The following SLC24A3 variants were observed in gnomAD, a reference collection of about 807,000 sequenced individuals.
SLC24A3 encodes solute carrier family 24 member 3, also known as sodium/potassium/calcium exchanger 3.
SLC24A3 carries 28 observed loss-of-function variants against 75.8 expected under a neutral mutation model. The observed-to-expected ratio is 0.37, with a 90% CI of 0.27 to 0.51. The LOEUF is 0.51. Ranked by LOEUF, SLC24A3 falls within the 20% of genes least tolerant of loss-of-function variation. SLC24A3 has a pLI of 0.94. For synonymous variants in SLC24A3, 372 were observed against 334.1 expected (o/e 1.11, Z -1.24); for missense variants, 663 against 847.8 (o/e 0.78, Z 2.71).
chr20:19,257,755 A>G (rs1982859677), intron 1 of SLC24A3: 1 of 152,138 alleles, frequency 6.6e-6, no homozygotes, highest in African/African-American at 2.4e-5. Flanking sequence ...ACACCCTCCA[A>G]ACTCCTGGAT....
At chr20:19,314,730 A>T (rs1447974456) in intron 2 of SLC24A3, among the ~76,000 whole-genome samples, 1 of 152,352 alleles carries the variant, frequency 6.6e-6, no homozygotes, top group East Asian at 1.9e-4. Flanking sequence ...AACTCCTGCC[A>T]TGCCAGCACG....
At chr20:19,643,236 G>T (rs1600317649) in intron 6 of SLC24A3, among the ~76,000 whole-genome samples, 1 of 152,198 alleles carries the variant, frequency 6.6e-6, no homozygotes, top group Non-Finnish European at 1.5e-5. Flanking sequence ...TATTTGGGGG[G>T]TTGGGAGGAG....
chr20:19,517,170 G>A (rs2030010753), intron 3 of SLC24A3, among the ~76,000 whole-genome samples: 1 of 152,154 alleles, frequency 6.6e-6, no homozygotes, highest in Admixed American at 6.5e-5. Context: ...GGCACCTTCG[G>A]CACCAAGGAG....
At chr20:19,262,879 C>T (rs760658399) in intron 1 of SLC24A3, among the ~76,000 whole-genome samples, 4 of 151,854 alleles carry the variant, frequency 2.6e-5, no homozygotes, top group Non-Finnish European at 5.9e-5. Context: ...GACAAAGCTG[C>T]GTGTGTCCTT....
chr20:19,687,034 C>G (rs1265921541), intron 12 of SLC24A3, among the ~76,000 whole-genome samples: 1 of 152,192 alleles, frequency 6.6e-6, no homozygotes, highest in Non-Finnish European at 1.5e-5. Flanking sequence ...TGCTGCATAA[C>G]AAAATGCCAC....
intron 1 of SLC24A3, among the ~76,000 whole-genome samples, chr20:19,279,018 T>C (rs1438776789): frequency 6.6e-6 from 1 of 152,244 alleles, no homozygotes; most frequent in African/African-American, 2.4e-5. Context: ...ACATACCTAC[T>C]GAGTACCTAC....
intron 2 of SLC24A3, among the ~76,000 whole-genome samples, chr20:19,321,322 CTT>C (rs1984701584): frequency 1.3e-5 from 2 of 152,130 alleles, no homozygotes; most frequent in African/African-American, 4.8e-5. Flanking sequence ...ACATTAAGCA[CTT>C]GAGTGATGGA....
At chr20:19,685,757 A>G (rs1297086589) in intron 12 of SLC24A3, among the ~76,000 whole-genome samples, 1 of 152,172 alleles carries the variant, frequency 6.6e-6, no homozygotes. Flanking sequence ...TCGCTGACCA[A>G]CTGCAATTGG....
chr20:19,292,873 G>C (rs1183909556), intron 2 of SLC24A3, among the ~76,000 whole-genome samples: 1 of 152,228 alleles, frequency 6.6e-6, no homozygotes, highest in Non-Finnish European at 1.5e-5. Flanking sequence ...CCTGTTTCCT[G>C]GTTCATGGTT....
chr20:19,444,306 A>G (rs112582995), intron 2 of SLC24A3, among the ~76,000 whole-genome samples: 2 of 152,020 alleles, frequency 1.3e-5, no homozygotes, highest in Non-Finnish European at 2.9e-5. Context: ...CTTTCATGTA[A>G]TTTATCTGGT....
chr20:19,285,332 G>C (rs1323341891), intron 2 of SLC24A3, among the ~76,000 whole-genome samples: 2 of 151,906 alleles, frequency 1.3e-5, no homozygotes, highest in Non-Finnish European at 2.9e-5. Flanking sequence ...ACAAAAGTTA[G>C]CCAGTCGTGG....
chr20:19,585,121 A>G lies in SLC24A3; in HGVS notation c.508+66A>G. The G allele has an allele frequency of 2.1e-6, 3 of 1,430,206 alleles. No individual in the cohort carries two copies. The South Asian group carries it at 3.6e-5, about 17-fold the overall frequency. 88.6% of individuals were successfully genotyped at this position (1,430,206 alleles called of 1,614,324 possible). On this transcript the variant is annotated intron_variant, in intron 5 of 16. Transcript: ENST00000328041. Reference sequence around the variant, plus strand: ...TGAAGGAAAAGGGCTCTGGGAATGGATGGCCCCCAGACCGAGATTGTCTGC... The same window carrying G: ...TGAAGGAAAAGGGCTCTGGGAATGGGTGGCCCCCAGACCGAGATTGTCTGC...
chr20:19,383,006 G>A (rs187367108), intron 2 of SLC24A3, among the ~76,000 whole-genome samples: 2 of 152,312 alleles, frequency 1.3e-5, no homozygotes, highest in East Asian at 3.9e-4. Context: ...AGAGAGAAGA[G>A]GAGAGATGAT....
intron 2 of SLC24A3, among the ~76,000 whole-genome samples, chr20:19,315,762 C>T (rs530854689): frequency 6.6e-6 from 1 of 152,320 alleles, no homozygotes; most frequent in East Asian, 1.9e-4. Context: ...CCAGAGTTCA[C>T]AGTTCTTTTG....
intron 2 of SLC24A3, among the ~76,000 whole-genome samples, chr20:19,506,883 A>G (rs1177587313): frequency 6.6e-6 from 1 of 152,206 alleles, no homozygotes; most frequent in African/African-American, 2.4e-5. Flanking sequence ...CAATGTTATT[A>G]AGATATGATC....
At chr20:19,525,795 A>G (rs2030188386) in intron 3 of SLC24A3, among the ~76,000 whole-genome samples, 1 of 151,986 alleles carries the variant, frequency 6.6e-6, no homozygotes, top group African/African-American at 2.4e-5. Flanking sequence ...ACCTGTGCCC[A>G]CCCCTAGGCT....
At chr20:19,673,736 G>A (rs1005071720) in intron 9 of SLC24A3, 82 bp downstream of exon 9, 2 of 1,235,154 alleles carry the variant, frequency 1.6e-6, no homozygotes. Flanking sequence ...GGATTGGGGT[G>A]GGTATCTGAC....
intron 3 of SLC24A3, among the ~76,000 whole-genome samples, chr20:19,573,082 A>G (rs1350274604): frequency 6.6e-6 from 1 of 152,188 alleles, no homozygotes; most frequent in Non-Finnish European, 1.5e-5. Flanking sequence ...CAACACCTTC[A>G]CTGAAATTAA....
chr20:19,646,853 G>GTGTGTGTGTC lies in SLC24A3; in HGVS notation c.613-7200_613-7199insCTGTGTGTGT, dbSNP rs1555804540. ...AAATTACAAAACTCTGTGTGTGTGC[G>GTGTGTGTGTC]TGTGTGTGTGTGTGTGTTTATGCTT... On this transcript the variant is annotated intron_variant, in intron 6 of 16. Coordinates refer to ENST00000328041, the MANE Select transcript of SLC24A3 (RefSeq NM_020689.4). 9.9e-5 allele frequency among the ~76,000 whole-genome samples: 15 copies of GTGTGTGTGTC among 150,922 alleles called. No homozygotes were observed. The East Asian group carries it at 1.4e-3, about 14-fold the overall frequency.
Sources: allele counts gnomAD v4.1 joint callset (sites outside exome capture counted in the v4.1 genomes callset), GRCh38; gene constraint gnomAD v4.1.1; transcripts MANE v1.5; gene names NCBI Gene and HGNC (gene_info 2026-07-23, HGNC 2026-07-21).